Variants in AGBL4 observed in about 807,000 individuals in gnomAD.
AGBL4 encodes cytosolic carboxypeptidase 6.
In AGBL4, 58 loss-of-function variants were observed where a neutral mutation model predicts 66.4. That is an observed-to-expected ratio of 0.87 (90% CI 0.71 to 1.09). The LOEUF is 1.09. Ranked by LOEUF, AGBL4 falls within the 50% of genes least tolerant of loss-of-function variation. AGBL4 has a pLI of 0.00. For synonymous variants in AGBL4, 234 were observed against 222.9 expected (o/e 1.05, Z -0.44); for missense variants, 579 against 631.0 (o/e 0.92, Z 0.88).
chr1:48,749,806 G>A (rs1390318057), intron 6 of AGBL4, among the ~76,000 whole-genome samples: 1 of 152,308 alleles, frequency 6.6e-6, no homozygotes. Flanking sequence ...TCTGTGCCCA[G>A]AGAGTATCCA....
At chr1:49,726,389 G>A (rs1321445120) in intron 2 of AGBL4, among the ~76,000 whole-genome samples, 2 of 152,198 alleles carry the variant, frequency 1.3e-5, no homozygotes, top group Non-Finnish European at 2.9e-5. Flanking sequence ...TGCCATTAAA[G>A]AATATTAAAT....
At chr1:49,415,634 T>C (rs1422980535) in intron 3 of AGBL4, among the ~76,000 whole-genome samples, 4 of 152,114 alleles carry the variant, frequency 2.6e-5, no homozygotes, top group Non-Finnish European at 5.9e-5. Context: ...ATATGAACTT[T>C]ATCCTTAAAG....
chr1:50,013,063 A>G (rs1661672302), intron 1 of AGBL4, among the ~76,000 whole-genome samples: 1 of 152,206 alleles, frequency 6.6e-6, no homozygotes, highest in African/African-American at 2.4e-5. Flanking sequence ...TCAGTTGTCT[A>G]TTAAGTTCCT....
intron 2 of AGBL4, among the ~76,000 whole-genome samples, chr1:49,814,773 C>T (rs138406058): frequency 2.9e-3 from 440 of 152,060 alleles, no homozygotes; most frequent in African/African-American, 0.01. Context: ...TCTAGTGCTA[C>T]CAAGATACCT....
intron 6 of AGBL4, among the ~76,000 whole-genome samples, chr1:48,686,835 G>A (rs1646540369): frequency 6.6e-6 from 1 of 152,192 alleles, no homozygotes; most frequent in South Asian, 2.1e-4. Flanking sequence ...AACCTCTGAG[G>A]GCCTAGTCAG....
At chr1:49,832,370 C>T (rs1645713726) in intron 2 of AGBL4, among the ~76,000 whole-genome samples, 1 of 150,300 alleles carries the variant, frequency 6.7e-6, no homozygotes, top group Non-Finnish European at 1.5e-5. Flanking sequence ...TGTATATGTG[C>T]CACATTTTCT....
chr1:48,713,814 T>C (rs115948770), intron 6 of AGBL4, among the ~76,000 whole-genome samples: 225 of 152,318 alleles, frequency 1.5e-3, no homozygotes, highest in Non-Finnish European at 2.5e-3. Context: ...TAATGTTTCC[T>C]GGAATCTGTC....
intron 3 of AGBL4, among the ~76,000 whole-genome samples, chr1:49,496,137 G>T (rs1202397383): frequency 1.3e-5 from 2 of 152,012 alleles, no homozygotes; most frequent in African/African-American, 4.8e-5. Context: ...CACAAAGAAG[G>T]CAGTGTGGTG....
At chr1:48,751,976 T>G (rs1651811613) in intron 6 of AGBL4, among the ~76,000 whole-genome samples, 1 of 152,188 alleles carries the variant, frequency 6.6e-6, no homozygotes, top group African/African-American at 2.4e-5. Context: ...TCCTTCAAAG[T>G]AGAAGATGAC....
chr1:49,099,139 A>G (rs1441993198), intron 4 of AGBL4, among the ~76,000 whole-genome samples: 1 of 152,110 alleles, frequency 6.6e-6, no homozygotes, highest in Non-Finnish European at 1.5e-5. Context: ...CTTCTCCACT[A>G]TCCCACTAAG....
chr1:49,502,286 G>A lies in AGBL4; in HGVS notation c.282+195027C>T, dbSNP rs575496168. Among the ~76,000 whole-genome samples, 23 of 152,196 alleles carry A rather than the reference G, an allele frequency of 1.5e-4. 1 individual carries two copies. The Middle Eastern group carries it at 0.02, about 135-fold the overall frequency. On this transcript the variant is annotated intron_variant, in intron 3 of 13. Transcript: ENST00000371839. ...GCTTCCTTTCTCCTCAGCTTGCAGA[G>A]AGTCTATTGTGGTAGTTCACATTGT...
chr1:49,682,522 A>T (rs1646714862), intron 3 of AGBL4, among the ~76,000 whole-genome samples: 1 of 152,234 alleles, frequency 6.6e-6, no homozygotes, highest in Non-Finnish European at 1.5e-5. Flanking sequence ...TTTGATGCTT[A>T]TTCAATGTAG....
intron 4 of AGBL4, among the ~76,000 whole-genome samples, chr1:49,142,664 A>T (rs1388422147): frequency 2.0e-5 from 3 of 152,186 alleles, no homozygotes; most frequent in Non-Finnish European, 4.4e-5. Flanking sequence ...TTAGTATTAA[A>T]TAATATCCCT....
chr1:49,235,971 C>T (rs868710693), intron 4 of AGBL4, among the ~76,000 whole-genome samples: 92 of 151,940 alleles, frequency 6.1e-4, no homozygotes, highest in African/African-American at 2.1e-3. Flanking sequence ...GTTTCTTTTT[C>T]TCAGGTCAAA....
intron 3 of AGBL4, among the ~76,000 whole-genome samples, chr1:49,468,566 T>C (rs2148709035): frequency 6.6e-6 from 1 of 151,986 alleles, no homozygotes; most frequent in South Asian, 2.1e-4. Context: ...CCTATGCAAT[T>C]GCCCATAATC....
chr1:48,647,509 T>G (rs1645856234), intron 8 of AGBL4: 1 of 353,322 alleles, frequency 2.8e-6, no homozygotes, highest in African/African-American at 2.1e-5. Flanking sequence ...ATTATAGATT[T>G]TTATGCCCAG....
chr1:49,231,843 A>G (rs1159795396), intron 4 of AGBL4, among the ~76,000 whole-genome samples: 1 of 152,224 alleles, frequency 6.6e-6, no homozygotes, highest in Admixed American at 6.5e-5. Context: ...TTTCATTTTC[A>G]TTATACTATT....
chr1:48,699,035 T>C (rs1261574674), intron 6 of AGBL4, among the ~76,000 whole-genome samples: 2 of 152,346 alleles, frequency 1.3e-5, no homozygotes, highest in Non-Finnish European at 2.9e-5. Flanking sequence ...GCTGCATCTC[T>C]ACATCCAAAG....
chr1:48,610,798 C>T (rs1324495736), intron 9 of AGBL4, among the ~76,000 whole-genome samples: 1 of 152,228 alleles, frequency 6.6e-6, no homozygotes. Context: ...TCTTCCCACA[C>T]TCCCTGTCTC....
Sources: gnomAD v4.1 joint callset for allele counts (sites outside exome capture counted in the v4.1 genomes callset) on GRCh38, gnomAD v4.1.1 for gene constraint, MANE v1.5 for transcripts, NCBI Gene and HGNC (gene_info 2026-07-23, HGNC 2026-07-21) for gene names.